The following SLC16A7 variants were observed in gnomAD, a reference collection of about 807,000 sequenced individuals.
SLC16A7 encodes the protein solute carrier family 16 member 7, also known as monocarboxylate transporter 2.
SLC16A7 carries 33 observed loss-of-function variants against 34.9 expected under a neutral mutation model. That is an observed-to-expected ratio of 0.94 (90% CI 0.72 to 1.26). The LOEUF (loss-of-function observed/expected upper bound fraction) is 1.26. Among genes scored for constraint, SLC16A7 ranks in the 50% most tolerant of loss-of-function variants. The probability of loss-of-function intolerance (pLI) is 0.00; values close to 1 mark genes in which losing one functional copy is unlikely to be tolerated. For missense variants in SLC16A7, 573 were observed against 578.1 expected (o/e 0.99, Z 0.09); for synonymous variants, 201 against 206.6 (o/e 0.97, Z 0.23).
Position 59,779,795 on chromosome 12 carries a change from G to T in SLC16A7, c.*116G>T. 2 of 759,656 alleles carry T rather than the reference G, an allele frequency of 2.6e-6. No individual in the cohort carries two copies. Among genetic ancestry groups the T allele is most frequent in the Non-Finnish European group, 4.1e-6 (2 of 485,228 alleles). 47.1% of individuals were successfully genotyped at this position (759,656 alleles called of 1,614,324 possible). A position where few individuals can be genotyped will look rare whatever the true frequency, so the allele number is the denominator to read the frequency against. On this transcript the variant is annotated 3_prime_UTR_variant, in exon 6 of 6. Coordinates refer to ENST00000547379, the MANE Select transcript of SLC16A7 (RefSeq NM_001270623.2). The stretch of plus-strand genomic sequence containing the variant: ...GCTGAAATGAGGAGTCACAATTAAG[G>T]ATGGAGGTGATATTTTCCTCAATGG...
At chr12:59,779,343 T>TGAA in intron 5 of SLC16A7, 80 bp from the exon 6 acceptor site, 2 of 1,098,522 alleles carry the variant, frequency 1.8e-6, no homozygotes, top group Non-Finnish European at 2.6e-6. Context: ...GAATATACTT[T>TGAA]GAAGAATAAT....
At position 59,619,439 on chromosome 12, in the gene SLC16A7, C is replaced by A. The variant is rs1391469066; in HGVS notation, c.-130+23203C>A. 2.6e-5 allele frequency among the ~76,000 whole-genome samples: 4 copies of A among 152,058 alleles called. No individual in the cohort carries two copies. In the East Asian group the frequency reaches 5.8e-4, roughly 22 times the overall value. ...ACCTTAGAAGCAGAACATTTTTCCT[C>A]ATCTGGCTTCATTTGTTCATAATGT... On this transcript the variant is annotated intron_variant, in intron 1 of 5. Transcript: ENST00000547379.
chr12:59,771,335 C>T lies in SLC16A7; in HGVS notation c.334C>T (p.Leu112=), dbSNP rs200049323. ...CTCCTTTAGTAGCAGCGTGGTACAG[C>T]TGTACCTCACTATGGGATTCATTAC... ...LASFSSSVVQ[L]YLTMGFITGL... Residue 112 remains leucine (L), a synonymous_variant, in exon 4 of 6, where the codon CTG becomes TTG. Transcript: ENST00000547379. The T allele has an allele frequency of 1.3e-4, 212 of 1,609,982 alleles. No homozygotes were observed. The highest frequency in any genetic ancestry group is 5.4e-4 in the Admixed American group (32 of 59,320).
chr12:59,742,392 T>C (rs998670829), intron 3 of SLC16A7, among the ~76,000 whole-genome samples: 2 of 152,200 alleles, frequency 1.3e-5, no homozygotes, highest in East Asian at 3.9e-4. Context: ...GGCAGTGTGA[T>C]AATTGTCAAA....
chr12:59,761,095 A>G (rs1479473311), intron 3 of SLC16A7: 2 of 1,048,292 alleles, frequency 1.9e-6, no homozygotes, highest in Non-Finnish European at 1.3e-6. Flanking sequence ...TAATTGAAGA[A>G]GTTACTGCAA....
chr12:59,611,449 G>A (rs1427489827), intron 1 of SLC16A7, among the ~76,000 whole-genome samples: 1 of 152,168 alleles, frequency 6.6e-6, no homozygotes, highest in Non-Finnish European at 1.5e-5. Flanking sequence ...AACATGACAT[G>A]TGGGGGATTC....
chr12:59,713,497 T>A (rs186824312), intron 3 of SLC16A7, among the ~76,000 whole-genome samples: 1 of 152,366 alleles, frequency 6.6e-6, no homozygotes, highest in East Asian at 1.9e-4. Context: ...TTTGATGGAT[T>A]ATGTCACAAA....
At chr12:59,754,970 T>C (rs1256758358) in intron 3 of SLC16A7, among the ~76,000 whole-genome samples, 1 of 152,156 alleles carries the variant, frequency 6.6e-6, no homozygotes, top group Non-Finnish European at 1.5e-5. Context: ...AACCAATAAA[T>C]GTAATCCAGC....
chr12:59,635,805 T>G (rs1880394696), intron 1 of SLC16A7, among the ~76,000 whole-genome samples: 1 of 152,014 alleles, frequency 6.6e-6, no homozygotes, highest in Non-Finnish European at 1.5e-5. Flanking sequence ...GAAGGTAGAC[T>G]GTATACTGCA....
intron 2 of SLC16A7, among the ~76,000 whole-genome samples, chr12:59,671,676 C>CTA (rs1427462306): frequency 1.0e-4 from 14 of 138,506 alleles, no homozygotes; most frequent in African/African-American, 3.6e-4. Context: ...CTCTCTCTCT[C>CTA]TCTATATATA....
At chr12:59,768,060 T>G in intron 3 of SLC16A7, 1 of 420,648 alleles carries the variant, frequency 2.4e-6, no homozygotes, top group Non-Finnish European at 4.7e-6. Context: ...ACCTGCACGT[T>G]GTGCACATGT....
At chr12:59,739,408 G>A (rs1878017622) in intron 3 of SLC16A7, among the ~76,000 whole-genome samples, 1 of 137,312 alleles carries the variant, frequency 7.3e-6, no homozygotes, top group African/African-American at 2.8e-5. Flanking sequence ...ATTCTATGGT[G>A]TATATGTGCC....
At chr12:59,663,006 G>A (rs1026845917) in intron 2 of SLC16A7, among the ~76,000 whole-genome samples, 2 of 151,992 alleles carry the variant, frequency 1.3e-5, no homozygotes, top group South Asian at 2.1e-4. Context: ...CACACTAGAC[G>A]TAACAGACCA....
At chr12:59,602,479 C>CTTTTTT (rs34035713) in intron 1 of SLC16A7, among the ~76,000 whole-genome samples, 14 of 80,266 alleles carry the variant, frequency 1.7e-4, no homozygotes, top group East Asian at 4.2e-4. Context: ...GTGTTTTGGG[C>CTTTTTT]TTTTTTTTTT....
At chr12:59,682,028 C>T (rs759808260) in intron 2 of SLC16A7, among the ~76,000 whole-genome samples, 5 of 152,064 alleles carry the variant, frequency 3.3e-5, no homozygotes, top group Non-Finnish European at 7.4e-5. Flanking sequence ...GTTAAACTCA[C>T]CCTAGAAATT....
intron 2 of SLC16A7, among the ~76,000 whole-genome samples, chr12:59,685,730 A>C (rs1171454479): frequency 6.6e-6 from 1 of 152,160 alleles, no homozygotes; most frequent in Non-Finnish European, 1.5e-5. Context: ...ATATTTGAAT[A>C]TACAATATAC....
intron 3 of SLC16A7, among the ~76,000 whole-genome samples, chr12:59,751,505 C>T (rs1291137869): frequency 6.6e-6 from 1 of 152,212 alleles, no homozygotes; most frequent in Non-Finnish European, 1.5e-5. Flanking sequence ...TGATTGCTAG[C>T]ACGGCAGTCT....
intron 3 of SLC16A7, among the ~76,000 whole-genome samples, chr12:59,743,923 T>TA (rs551355361): frequency 1.7e-4 from 26 of 152,208 alleles, no homozygotes; most frequent in Non-Finnish European, 3.5e-4. Context: ...CTATTTAACT[T>TA]ACAGTCTTAC....
chr12:59,749,711 C>A (rs1269924355), intron 3 of SLC16A7, among the ~76,000 whole-genome samples: 1 of 152,142 alleles, frequency 6.6e-6, no homozygotes, highest in African/African-American at 2.4e-5. Context: ...TAAATTTCTG[C>A]TAGAGAGAAG....
Sources: allele counts gnomAD v4.1 joint callset (sites outside exome capture counted in the v4.1 genomes callset), GRCh38; gene constraint gnomAD v4.1.1; transcripts MANE v1.5; gene names NCBI Gene and HGNC (gene_info 2026-07-23, HGNC 2026-07-21).